SLC17A6: variants seen among roughly 807,000 people sequenced by gnomAD.
SLC17A6 encodes the protein solute carrier family 17 member 6, also known as vesicular glutamate transporter 2.
Under a neutral mutation model 67.1 loss-of-function variants are expected in SLC17A6, and 35 were observed. The observed-to-expected ratio is 0.52, with a 90% CI of 0.40 to 0.69. SLC17A6 has a LOEUF of 0.69. Among genes scored for constraint, SLC17A6 ranks in the 30% least tolerant of loss-of-function variants. The pLI is 0.00. For missense variants in SLC17A6, 588 were observed against 723.9 expected (o/e 0.81, Z 2.15); for synonymous variants, 285 against 252.3 (o/e 1.13, Z -1.23).
At chr11:22,358,580 T>C (rs1856015824) in intron 3 of SLC17A6, among the ~76,000 whole-genome samples, 1 of 152,186 alleles carries the variant, frequency 6.6e-6, no homozygotes, top group Admixed American at 6.6e-5. Flanking sequence ...TCCGCTCGCC[T>C]CGGCCTCCCG....
At chr11:22,341,852 G>T in intron 2 of SLC17A6, 72 bp downstream of exon 2, 1 of 1,539,728 alleles carries the variant, frequency 6.5e-7, no homozygotes, top group Non-Finnish European at 8.8e-7. Context: ...TCTCCTGTTT[G>T]AGCCCCGTTC....
chr11:22,338,915 A>C (rs113928318), intron 1 of SLC17A6, among the ~76,000 whole-genome samples: 1 of 150,386 alleles, frequency 6.6e-6, no homozygotes, highest in East Asian at 1.9e-4. Flanking sequence ...TATCTTCTTT[A>C]CAGTTAAGAA....
chr11:22,362,321 C>A, intron 5 of SLC17A6: 2 of 354,176 alleles, frequency 5.6e-6, no homozygotes, highest in East Asian at 7.5e-5. Context: ...AAAATGAAGT[C>A]AGTAAAAGCT....
chr11:22,339,421 C>G (rs561354568), intron 1 of SLC17A6, among the ~76,000 whole-genome samples: 1 of 151,438 alleles, frequency 6.6e-6, no homozygotes, highest in African/African-American at 2.4e-5. Flanking sequence ...ATGTCAATGC[C>G]TGGAAGAACA....
At chr11:22,365,078 A>G (rs1856095273) in intron 6 of SLC17A6, among the ~76,000 whole-genome samples, 1 of 152,188 alleles carries the variant, frequency 6.6e-6, no homozygotes, top group African/African-American at 2.4e-5. Flanking sequence ...AAGTGCTAAC[A>G]GGAGAGGGAA....
intron 2 of SLC17A6, chr11:22,342,950 G>C (rs534383073): frequency 1.8e-5 from 9 of 513,224 alleles, no homozygotes; most frequent in Non-Finnish European, 3.0e-5. Flanking sequence ...GAATTTCCAA[G>C]ACGGGGGCCC....
At chr11:22,367,782 A>C (rs1266948837) in intron 7 of SLC17A6, among the ~76,000 whole-genome samples, 1 of 152,220 alleles carries the variant, frequency 6.6e-6, no homozygotes, top group Non-Finnish European at 1.5e-5. Flanking sequence ...AGAATGAAAA[A>C]ACAGCATAAT....
chr11:22,370,593 T>C (rs1220453455), intron 8 of SLC17A6, among the ~76,000 whole-genome samples: 2 of 152,164 alleles, frequency 1.3e-5, no homozygotes, highest in African/African-American at 2.4e-5. Context: ...TATTCTTCAA[T>C]GCTCTTAGAA....
chr11:22,363,859 T>G (rs1856079060), intron 6 of SLC17A6, among the ~76,000 whole-genome samples: 2 of 152,264 alleles, frequency 1.3e-5, no homozygotes, highest in East Asian at 3.9e-4. Flanking sequence ...GAGTGCATAA[T>G]TCAACAAAGT....
chr11:22,358,638 G>T (rs1057031493), intron 3 of SLC17A6, among the ~76,000 whole-genome samples: 3 of 152,006 alleles, frequency 2.0e-5, no homozygotes, highest in African/African-American at 7.3e-5. Context: ...CCGACCAGAA[G>T]ATTTTTTTTT....
Position 22,353,800 on chromosome 11 carries a change from C to G in SLC17A6, c.459-5613C>G, listed in dbSNP as rs141704873. 2.6e-5 allele frequency among the ~76,000 whole-genome samples: 4 copies of G among 152,304 alleles called. No individual in the cohort carries two copies. In the East Asian group the frequency reaches 7.7e-4, roughly 29 times the overall value. The stretch of plus-strand genomic sequence containing the variant: ...TTGTTTCCACTATGTCCAACTTTGT[C>G]TAGCTTTGTTTTTTCTAGGTCTGGG... On this transcript the variant is annotated intron_variant, in intron 3 of 11. Coordinates refer to ENST00000263160, the MANE Select transcript of SLC17A6 (RefSeq NM_020346.3).
intron 8 of SLC17A6, among the ~76,000 whole-genome samples, chr11:22,372,198 T>A (rs2133877055): frequency 6.6e-6 from 1 of 151,936 alleles, no homozygotes; most frequent in East Asian, 1.9e-4. Context: ...ACTGACTTAG[T>A]TCAGACAGCA....
intron 9 of SLC17A6, among the ~76,000 whole-genome samples, chr11:22,375,496 T>C (rs1856222613): frequency 6.6e-6 from 1 of 152,134 alleles, no homozygotes; most frequent in African/African-American, 2.4e-5. Context: ...TTTTGTGTTT[T>C]TGAGATGGAG....
In SLC17A6 at chr11:22,374,893, T is replaced by C; in HGVS notation, c.1174+6T>C. 6.2e-7 allele frequency: 1 copy of C among 1,608,842 alleles called. No individual in the cohort carries two copies. Among genetic ancestry groups the C allele is most frequent in the Non-Finnish European group, 8.5e-7 (1 of 1,178,264 alleles). ...AAAGATCATGAATTGTGGTGGTAAG[T>C]ACATAAGTGGCACTAAGGACATGTT... On this transcript the variant is annotated splice_donor_region_variant and intron_variant, in intron 9 of 11. Transcript: ENST00000263160.
chr11:22,359,349 AT>A, intron 3 of SLC17A6, 63 bp from the exon 4 acceptor site: 1 of 950,480 alleles, frequency 1.1e-6, no homozygotes. Context: ...CTCCTGAGAA[AT>A]TTAGATATGT....
intron 2 of SLC17A6, 50 bp downstream of exon 2, chr11:22,341,830 C>T (rs760173013): frequency 1.9e-6 from 3 of 1,595,186 alleles, no homozygotes; most frequent in East Asian, 2.2e-5. Context: ...CATGCGGCCT[C>T]GCAAAACCAC....
chr11:22,342,875 T>G, intron 2 of SLC17A6: 1 of 452,684 alleles, frequency 2.2e-6, no homozygotes, highest in Non-Finnish European at 4.4e-6. Context: ...ATTGGCCGGA[T>G]TCGTTAAGTG....
intron 3 of SLC17A6, among the ~76,000 whole-genome samples, chr11:22,353,165 A>C (rs183373803): frequency 5.5e-4 from 84 of 152,302 alleles, no homozygotes; most frequent in Non-Finnish European, 1.0e-3. Flanking sequence ...TTTATTATGG[A>C]CCATACAGTG....
intron 1 of SLC17A6, among the ~76,000 whole-genome samples, chr11:22,340,168 G>T (rs754961986): frequency 2.0e-5 from 3 of 152,208 alleles, no homozygotes; most frequent in Non-Finnish European, 4.4e-5. Flanking sequence ...ACCCGTGTGT[G>T]TGAAAACAAT....
Sources: allele counts gnomAD v4.1 joint callset (sites outside exome capture counted in the v4.1 genomes callset), GRCh38; gene constraint gnomAD v4.1.1; transcripts MANE v1.5; gene names NCBI Gene and HGNC (gene_info 2026-07-23, HGNC 2026-07-21).